The following LPP variants were observed in gnomAD, a reference collection of about 807,000 sequenced individuals.
LPP encodes the protein LIM domain containing preferred translocation partner in lipoma.
In LPP, 38 loss-of-function variants were observed where a neutral mutation model predicts 60.4. That is an observed-to-expected ratio of 0.63 (90% confidence interval 0.49 to 0.83). The LOEUF (loss-of-function observed/expected upper bound fraction) is 0.83. Among genes scored for constraint, LPP ranks in the 40% least tolerant of loss-of-function variants. LPP has a pLI of 0.00. For synonymous variants in LPP, 328 were observed against 290.8 expected (o/e 1.13, Z -1.30); for missense variants, 902 against 783.6 (o/e 1.15, Z -1.80).
chr3:188,568,986 G>A (rs765146899), intron 6 of LPP: 13 of 151,820 alleles, frequency 8.6e-5, no homozygotes, highest in Non-Finnish European at 1.8e-4. Flanking sequence ...TGTGACATTC[G>A]AGTTGGGTCA....
intron 4 of LPP, among the ~76,000 whole-genome samples, chr3:188,463,837 C>T (rs1799720992): frequency 6.6e-6 from 1 of 152,122 alleles, no homozygotes; most frequent in Non-Finnish European, 1.5e-5. Context: ...TCCTGAGAAA[C>T]CCTTGCATCC....
intron 8 of LPP, among the ~76,000 whole-genome samples, chr3:188,740,750 G>A (rs1724123960): frequency 6.6e-6 from 1 of 151,934 alleles, no homozygotes; most frequent in African/African-American, 2.4e-5. Flanking sequence ...ATCCATAAGA[G>A]ATTACTTCAT....
At position 188,261,776 on chromosome 3, in the gene LPP, T is replaced by C. The variant is rs554310503; in HGVS notation, c.-67+36249T>C. The stretch of plus-strand genomic sequence containing the variant: ...AAAAAAAATATATATTAGCTAGATG[T>C]GGTGGCACATATCTGTAGTCCTACC... On this transcript the variant is annotated intron_variant, in intron 2 of 11. Coordinates refer to ENST00000617246, the MANE Select transcript of LPP (RefSeq NM_001375462.1). Among the ~76,000 whole-genome samples the C allele has an allele frequency of 3.3e-5, 5 of 150,860 alleles. No individual in the cohort carries two copies. The South Asian group carries it at 1.0e-3, about 31-fold the overall frequency.
intron 2 of LPP, among the ~76,000 whole-genome samples, chr3:188,308,804 G>C (rs1253715601): frequency 6.6e-6 from 1 of 152,026 alleles, no homozygotes; most frequent in East Asian, 1.9e-4. Context: ...GGGGCTCCAG[G>C]GCAAATCATT....
chr3:188,547,302 A>T (rs1431174297), intron 6 of LPP, among the ~76,000 whole-genome samples: 1 of 152,188 alleles, frequency 6.6e-6, no homozygotes, highest in Non-Finnish European at 1.5e-5. Context: ...GGAAACAAAC[A>T]ACACACATGC....
intron 4 of LPP, among the ~76,000 whole-genome samples, chr3:188,417,255 C>T (rs1786549242): frequency 6.6e-6 from 1 of 151,940 alleles, no homozygotes; most frequent in South Asian, 2.1e-4. Context: ...TAACAGGCAC[C>T]ACATGTGCAT....
intron 6 of LPP, among the ~76,000 whole-genome samples, chr3:188,569,995 T>G (rs2150825607): frequency 6.7e-6 from 1 of 149,420 alleles, no homozygotes; most frequent in African/African-American, 2.4e-5. Context: ...GTAGTCAGTT[T>G]GTATGAATGG....
chr3:188,699,777 T>G (rs778523276), intron 7 of LPP, among the ~76,000 whole-genome samples: 2 of 152,158 alleles, frequency 1.3e-5, no homozygotes, highest in African/African-American at 2.4e-5. Flanking sequence ...GCTTTTAACC[T>G]GAAACAGAAG....
chr3:188,528,374 C>CT (rs1473273484), intron 6 of LPP, among the ~76,000 whole-genome samples: 1 of 151,222 alleles, frequency 6.6e-6, no homozygotes, highest in Admixed American at 6.6e-5. Flanking sequence ...TCATTTAAAT[C>CT]TTTTTTTTCC....
In LPP at chr3:188,878,318, A is replaced by C. The variant is rs1001807223; in HGVS notation, c.*3839A>C. The C allele has an allele frequency of 3.2e-5, 7 of 220,166 alleles. No homozygotes were observed. Among genetic ancestry groups the C allele is most frequent in the Non-Finnish European group, 6.4e-5 (7 of 109,702 alleles). 13.6% of individuals were successfully genotyped at this position (220,166 alleles called of 1,614,324 possible). ...CAGCTGCTAGGGAGATCAGGGAAAC[A>C]CTGATGTAACCTCAAAGCCTCTCAC... is the stretch of plus-strand genomic sequence containing the variant. On this transcript the variant is annotated 3_prime_UTR_variant, in exon 12 of 12. Transcript: ENST00000617246.
intron 2 of LPP, among the ~76,000 whole-genome samples, chr3:188,243,253 A>G (rs935545388): frequency 1.3e-5 from 2 of 152,210 alleles, no homozygotes; most frequent in African/African-American, 4.8e-5. Flanking sequence ...ACTGTAAAAC[A>G]AACTAGTGAG....
At chr3:188,403,181 G>A (rs879536542) in intron 3 of LPP, among the ~76,000 whole-genome samples, 20 of 152,120 alleles carry the variant, frequency 1.3e-4, no homozygotes, top group Non-Finnish European at 2.6e-4. Context: ...TTATGATGCT[G>A]GGGATAACTG....
intron 5 of LPP, among the ~76,000 whole-genome samples, chr3:188,523,941 A>G (rs1051317035): frequency 4.0e-5 from 6 of 151,802 alleles, no homozygotes; most frequent in African/African-American, 1.5e-4. Flanking sequence ...AAACCTGATC[A>G]TAATTCCTGG....
chr3:188,156,067 T>C (rs536567829), intron 1 of LPP, among the ~76,000 whole-genome samples: 1 of 152,082 alleles, frequency 6.6e-6, no homozygotes, highest in Non-Finnish European at 1.5e-5. Context: ...CATTTTTGCA[T>C]TTAATTTCTA....
Position 188,878,998 on chromosome 3 carries a change from T to C in LPP, c.*4519T>C, listed in dbSNP as rs965677632. On this transcript the variant is annotated 3_prime_UTR_variant, in exon 12 of 12. Coordinates refer to ENST00000617246, the MANE Select transcript of LPP (RefSeq NM_001375462.1). The stretch of plus-strand genomic sequence containing the variant: ...ACTTCAACTTGATTCTTTACCACCA[T>C]TCAGCATATTTTTTAATTGTCTTCA... The C allele has an allele frequency of 4.4e-6, 1 of 227,720 alleles. No homozygotes were observed. Among genetic ancestry groups the C allele is most frequent in the African/African-American group, 2.2e-5 (1 of 45,080 alleles). 14.1% of individuals were successfully genotyped at this position (227,720 alleles called of 1,614,324 possible). A position where few individuals can be genotyped will look rare whatever the true frequency, so the allele number is the denominator to read the frequency against.
In LPP at chr3:188,604,101, A is replaced by G. The variant is rs148127496; in HGVS notation, c.430-5060A>G. Reference sequence around the variant, plus strand: ...TTCTAAGTAGAAATCACTTTTACTCATCACACTAAATTTTGCCCCAAATAT... The same window carrying G: ...TTCTAAGTAGAAATCACTTTTACTCGTCACACTAAATTTTGCCCCAAATAT... On this transcript the variant is annotated intron_variant, in intron 6 of 11. Coordinates refer to ENST00000617246, the MANE Select transcript of LPP (RefSeq NM_001375462.1). Among the ~76,000 whole-genome samples, 1,013 of 152,170 alleles carry G rather than the reference A, an allele frequency of 6.7e-3. 6 individuals are homozygous for G. Among genetic ancestry groups the G allele is most frequent in the African/African-American group, 0.022 (902 of 41,518 alleles).
intron 1 of LPP, among the ~76,000 whole-genome samples, chr3:188,219,661 C>T (rs1715043851): frequency 6.6e-6 from 1 of 152,168 alleles, no homozygotes; most frequent in African/African-American, 2.4e-5. Flanking sequence ...AGTAAAAACT[C>T]CTGCCCCTGG....
chr3:188,170,728 A>G (rs1457136276), intron 1 of LPP, among the ~76,000 whole-genome samples: 1 of 151,972 alleles, frequency 6.6e-6, no homozygotes, highest in Non-Finnish European at 1.5e-5. Flanking sequence ...CCTTCCCCCC[A>G]GCTTCTCTTA....
intron 6 of LPP, among the ~76,000 whole-genome samples, chr3:188,590,892 T>C (rs1180499052): frequency 6.6e-6 from 1 of 152,222 alleles, no homozygotes; most frequent in East Asian, 1.9e-4. Context: ...GTGCTTTATT[T>C]CACAAAGGCA....
Sources: gnomAD v4.1 joint callset for allele counts (sites outside exome capture counted in the v4.1 genomes callset) on GRCh38, gnomAD v4.1.1 for gene constraint, MANE v1.5 for transcripts, NCBI Gene and HGNC (gene_info 2026-07-23, HGNC 2026-07-21) for gene names.